Variants in LYRM4 observed in about 807,000 individuals in gnomAD.
LYRM4 encodes the protein LYR motif-containing protein 4.
In LYRM4, 9 loss-of-function variants were observed where a neutral mutation model predicts 11.7. The observed-to-expected ratio is 0.77, with a 90% CI of 0.46 to 1.34. The LOEUF (loss-of-function observed/expected upper bound fraction) is 1.34. Among genes scored for constraint, LYRM4 ranks in the 40% most tolerant of loss-of-function variants. LYRM4 has a pLI of 0.00. For synonymous variants in LYRM4, 42 were observed against 40.4 expected, an observed-to-expected ratio of 1.04 and a Z score of -0.15; for missense variants, 133 against 112.5, an observed-to-expected ratio of 1.18 and a Z score of -0.82.
At chr6:5,060,578 C>G in the LYRM4 span, among the ~76,000 whole-genome samples, 2 of 151,798 alleles carry the variant, frequency 1.3e-5, no homozygotes, top group South Asian at 4.2e-4. Context: ...CCATAGCACT[C>G]CCATAGAAAA....
intron 1 of LYRM4, among the ~76,000 whole-genome samples, chr6:5,253,858 T>C (rs1561905055): frequency 6.6e-6 from 1 of 151,254 alleles, no homozygotes; most frequent in South Asian, 2.1e-4. Context: ...ACCATCGTTT[T>C]GAAGTGTTGT....
the LYRM4 span, among the ~76,000 whole-genome samples, chr6:5,056,732 G>A: frequency 4.1e-4 from 62 of 152,240 alleles, no homozygotes; most frequent in Non-Finnish European, 8.1e-4. Flanking sequence ...TTTAACCTTA[G>A]CAATGCATTA....
chr6:5,077,017 G>T, the LYRM4 span, among the ~76,000 whole-genome samples: 1 of 152,158 alleles, frequency 6.6e-6, no homozygotes, highest in Non-Finnish European at 1.5e-5. Flanking sequence ...GAGCTTCCTC[G>T]AAGGCTCCCC....
intron 1 of LYRM4, among the ~76,000 whole-genome samples, chr6:5,224,851 T>G (rs1387584819): frequency 2.0e-5 from 3 of 151,842 alleles, no homozygotes; most frequent in Non-Finnish European, 4.4e-5. Context: ...TCCCAGCTAC[T>G]CGGTAGGCTG....
intron 2 of LYRM4, among the ~76,000 whole-genome samples, chr6:5,120,293 G>A (rs1416937011): frequency 2.6e-5 from 4 of 152,310 alleles, no homozygotes; most frequent in South Asian, 4.1e-4. Context: ...CTGCAGGAAT[G>A]AGTCCTTTTT....
intron 2 of LYRM4, among the ~76,000 whole-genome samples, chr6:5,115,753 T>TA (rs937833739): frequency 1.0e-3 from 154 of 151,978 alleles, no homozygotes; most frequent in African/African-American, 7.7e-4. Flanking sequence ...GAATTAAATT[T>TA]AAAAAAAACC....
intron 2 of LYRM4, among the ~76,000 whole-genome samples, chr6:5,128,831 A>G (rs974881039): frequency 6.6e-5 from 10 of 152,130 alleles, no homozygotes; most frequent in Non-Finnish European, 1.5e-4. Context: ...CACCTGCATG[A>G]CTAGGTGATG....
At chr6:5,071,202 AT>A in the LYRM4 span, among the ~76,000 whole-genome samples, 18 of 130,610 alleles carry the variant, frequency 1.4e-4, no homozygotes, top group South Asian at 1.8e-3. Flanking sequence ...AAAAAAAAAA[AT>A]TTATAATGTA....
At chr6:5,041,879 C>A in the LYRM4 span, among the ~76,000 whole-genome samples, 1 of 152,176 alleles carries the variant, frequency 6.6e-6, no homozygotes, top group Admixed American at 6.5e-5. Context: ...GACTATAATT[C>A]TTGTACATTA....
At chr6:5,116,928 G>A (rs541539965) in intron 2 of LYRM4, among the ~76,000 whole-genome samples, 11 of 152,294 alleles carry the variant, frequency 7.2e-5, no homozygotes, top group Middle Eastern at 3.4e-3. Flanking sequence ...AGCCATCCCC[G>A]CAACACATCT....
At chr6:5,201,563 C>A (rs1288843320) in intron 2 of LYRM4, among the ~76,000 whole-genome samples, 2 of 152,150 alleles carry the variant, frequency 1.3e-5, no homozygotes, top group Non-Finnish European at 2.9e-5. Flanking sequence ...CTTAGCTAAT[C>A]TGTTTGTTGC....
At chr6:5,190,679 G>A (rs73363048) in intron 2 of LYRM4, among the ~76,000 whole-genome samples, 13,772 of 151,918 alleles carry the variant, frequency 0.091, 765 homozygotes, top group African/African-American at 0.15. Flanking sequence ...TAACTCTGCC[G>A]TTGTTAACAC....
intron 2 of LYRM4, among the ~76,000 whole-genome samples, chr6:5,166,412 G>A (rs1759090756): frequency 6.6e-6 from 1 of 152,234 alleles, no homozygotes; most frequent in African/African-American, 2.4e-5. Context: ...CACTGTTTAA[G>A]CTGAATAGAT....
downstream of LYRM4, chr6:5,104,036 A>G (rs900824790): frequency 6.6e-6 from 1 of 152,218 alleles, no homozygotes; most frequent in African/African-American, 2.4e-5. Context: ...TTTTCTGTAT[A>G]CTTGTTGATA....
At chr6:5,083,947 C>G in the LYRM4 span, among the ~76,000 whole-genome samples, 1 of 152,160 alleles carries the variant, frequency 6.6e-6, no homozygotes, top group Non-Finnish European at 1.5e-5. Flanking sequence ...AGAAATACTT[C>G]CAGGCCCCAG....
intron 2 of LYRM4, among the ~76,000 whole-genome samples, chr6:5,117,403 A>T (rs1441482322): frequency 6.6e-6 from 1 of 152,154 alleles, no homozygotes; most frequent in Non-Finnish European, 1.5e-5. Flanking sequence ...AAAAATACAA[A>T]GATTAGCTGG....
At chr6:5,134,954 A>G (rs113846353) in intron 2 of LYRM4, among the ~76,000 whole-genome samples, 21,755 of 42,698 alleles carry the variant, frequency 0.51, 3,484 homozygotes, top group African/African-American at 0.6. Flanking sequence ...CACTCCCGGG[A>G]CTGTGGAGGG....
intron 2 of LYRM4, among the ~76,000 whole-genome samples, chr6:5,205,009 G>T (rs1363416764): frequency 6.6e-6 from 1 of 152,210 alleles, no homozygotes; most frequent in African/African-American, 2.4e-5. Flanking sequence ...AGCCAGCTTG[G>T]CCTTATTATA....
chr6:5,034,199 G>A, the LYRM4 span: 1 of 152,264 alleles, frequency 6.6e-6, no homozygotes. Flanking sequence ...TTGGCAGTAA[G>A]TTCAGTGATA....
Sources: gnomAD v4.1 joint callset for allele counts (sites outside exome capture counted in the v4.1 genomes callset) on GRCh38, gnomAD v4.1.1 for gene constraint, MANE v1.5 for transcripts, NCBI Gene and HGNC (gene_info 2026-07-23, HGNC 2026-07-21) for gene names.